Variants in ATP10B observed in about 807,000 individuals in gnomAD.
ATP10B encodes the protein ATPase phospholipid transporting 10B (putative), also known as phospholipid-transporting ATPase VB.
ATP10B carries 122 observed loss-of-function variants against 141.2 expected under a neutral mutation model. That is an observed-to-expected ratio of 0.86 (90% CI 0.75 to 1.00). The LOEUF (loss-of-function observed/expected upper bound fraction) is 1.00, where lower values mean the gene tolerates loss of function less well. Ranked by LOEUF, ATP10B falls within the 50% of genes least tolerant of loss-of-function variation. The probability of loss-of-function intolerance (pLI) is 0.00; values close to 1 mark genes in which losing one functional copy is unlikely to be tolerated. For missense variants in ATP10B, 1,876 were observed against 1,825.3 expected (o/e 1.03, Z -0.51); for synonymous variants, 685 against 692.0 (o/e 0.99, Z 0.16).
At chr5:160,752,389 T>G (rs1170854365) in intron 2 of ATP10B, among the ~76,000 whole-genome samples, 2 of 152,050 alleles carry the variant, frequency 1.3e-5, no homozygotes, top group African/African-American at 4.8e-5. Flanking sequence ...GTCTGCAAAT[T>G]TGTAATCCAA....
intron 3 of ATP10B, among the ~76,000 whole-genome samples, chr5:160,689,855 A>G (rs1403848020): frequency 2.0e-5 from 3 of 152,110 alleles, no homozygotes; most frequent in African/African-American, 7.2e-5. Context: ...TGAAAAAACT[A>G]CTTTAAATTT....
chr5:160,796,331 A>G (rs1453606967), intron 1 of ATP10B, among the ~76,000 whole-genome samples: 1 of 152,208 alleles, frequency 6.6e-6, no homozygotes, highest in Non-Finnish European at 1.5e-5. Context: ...AATCTTGTCC[A>G]AGAAGCTATG....
the ATP10B span, among the ~76,000 whole-genome samples, chr5:160,890,365 T>G: frequency 6.6e-6 from 1 of 152,234 alleles, no homozygotes; most frequent in South Asian, 2.1e-4. Context: ...ATTTTCAATG[T>G]TGTGAAACCA....
At chr5:160,579,549 A>G (rs191670433) in intron 24 of ATP10B, among the ~76,000 whole-genome samples, 3 of 152,316 alleles carry the variant, frequency 2.0e-5, no homozygotes, top group Admixed American at 1.3e-4. Context: ...TACCAGTACC[A>G]TGCTGTTTTG....
chr5:160,787,857 G>A (rs1193234729), intron 1 of ATP10B, among the ~76,000 whole-genome samples: 3 of 152,130 alleles, frequency 2.0e-5, no homozygotes, highest in Non-Finnish European at 2.9e-5. Context: ...CCCATAGTCC[G>A]TATCCAGCTA....
At chr5:160,743,293 A>T (rs938116068) in intron 2 of ATP10B, among the ~76,000 whole-genome samples, 1 of 152,210 alleles carries the variant, frequency 6.6e-6, no homozygotes, top group African/African-American at 2.4e-5. Flanking sequence ...GTGTATCTTA[A>T]GCCCTTCGGA....
intron 1 of ATP10B, among the ~76,000 whole-genome samples, chr5:160,816,521 A>G (rs1043265327): frequency 6.6e-5 from 10 of 152,098 alleles, no homozygotes; most frequent in African/African-American, 2.2e-4. Context: ...TAGCTTACCA[A>G]CCAAAAAAAA....
chr5:160,648,224 T>C (rs1177299702), intron 8 of ATP10B, among the ~76,000 whole-genome samples: 5 of 152,212 alleles, frequency 3.3e-5, no homozygotes, highest in African/African-American at 4.8e-5. Context: ...AAAACTGTTA[T>C]AGCAAGCTTG....
intron 2 of ATP10B, among the ~76,000 whole-genome samples, chr5:160,749,611 C>T (rs996889625): frequency 3.3e-5 from 5 of 152,178 alleles, no homozygotes; most frequent in Non-Finnish European, 5.9e-5. Context: ...AAGATGAACA[C>T]ATCACCTAGT....
intron 24 of ATP10B, among the ~76,000 whole-genome samples, chr5:160,580,542 G>A (rs1755476666): frequency 6.6e-6 from 1 of 152,176 alleles, no homozygotes; most frequent in Non-Finnish European, 1.5e-5. Flanking sequence ...GCTTTTTGAT[G>A]TGCTGCTGGA....
In ATP10B at chr5:160,653,866, A is replaced by C. The variant is rs1281240491; in HGVS notation, c.676-4610T>G. 8.2e-5 allele frequency among the ~76,000 whole-genome samples: 10 copies of C among 122,124 alleles called. No individual in the cohort carries two copies. In the East Asian group the frequency reaches 2.0e-3, roughly 25 times the overall value. 80.1% of individuals were successfully genotyped at this position (122,124 alleles called of 152,430 possible). On this transcript the variant is annotated intron_variant, in intron 7 of 25. Transcript: ENST00000327245. ...ATATATACATATATAAATATATATT[A>C]ATATACGTATATACATATATAAATA...
chr5:160,874,363 C>A, the ATP10B span, among the ~76,000 whole-genome samples: 2 of 152,050 alleles, frequency 1.3e-5, no homozygotes, highest in Non-Finnish European at 2.9e-5. Context: ...GAAAGGACAT[C>A]CACACCAAAA....
intron 6 of ATP10B, among the ~76,000 whole-genome samples, chr5:160,671,428 T>C (rs994677393): frequency 1.2e-4 from 19 of 152,052 alleles, no homozygotes; most frequent in African/African-American, 4.1e-4. Flanking sequence ...GGAAAGATTG[T>C]TTTTGATTAT....
intron 10 of ATP10B, among the ~76,000 whole-genome samples, chr5:160,640,062 C>G (rs1759720735): frequency 6.6e-6 from 1 of 152,212 alleles, no homozygotes; most frequent in African/African-American, 2.4e-5. Context: ...TTTGAGACTC[C>G]TGCCTTAACC....
At chr5:160,893,803 G>A in the ATP10B span, among the ~76,000 whole-genome samples, 2 of 152,170 alleles carry the variant, frequency 1.3e-5, no homozygotes, top group Admixed American at 6.5e-5. Flanking sequence ...GCTCTGGCTG[G>A]CATCTGGCGG....
intron 2 of ATP10B, among the ~76,000 whole-genome samples, chr5:160,781,885 T>C (rs766614485): frequency 6.6e-6 from 1 of 152,218 alleles, no homozygotes. Flanking sequence ...AACTCTTGAC[T>C]GACAAGGATG....
chr5:160,565,688 C>A lies in ATP10B; in HGVS notation c.4151G>T (p.Ser1384Ile). Reference protein sequence around the residue: ...GQDFSASTPKSSNPPKRKHVE... With the variant: ...GQDFSASTPKISNPPKRKHVE... ...ATGCTTCCTCTTGGGAGGGTTAGAG[C>A]TCTTTGGGGTGCTGGCACTGAAGTC... The change falls in exon 26 of 26, where the codon AGC becomes ATC. Residue 1384 changes from serine to isoleucine, a missense_variant. Ser to Ile is a moderately radical substitution (Grantham distance 142). Transcript: ENST00000327245. 4.3e-6 allele frequency: 7 copies of A among 1,614,068 alleles called. No homozygotes were observed. Among genetic ancestry groups the A allele is most frequent in the Non-Finnish European group, 5.9e-6 (7 of 1,179,990 alleles).
intron 21 of ATP10B, among the ~76,000 whole-genome samples, chr5:160,599,667 A>G (rs1383109973): frequency 1.3e-5 from 2 of 152,184 alleles, no homozygotes; most frequent in Non-Finnish European, 2.9e-5. Flanking sequence ...TACTTTCCTA[A>G]TGGTCATGCA....
chr5:160,685,176 C>T, intron 6 of ATP10B: 1 of 635,218 alleles, frequency 1.6e-6, no homozygotes, highest in African/African-American at 1.8e-5. Context: ...CTACTCGCTT[C>T]TTGTCTTCTT....
Sources: allele counts gnomAD v4.1 joint callset (sites outside exome capture counted in the v4.1 genomes callset), GRCh38; gene constraint gnomAD v4.1.1; transcripts MANE v1.5; gene names NCBI Gene and HGNC (gene_info 2026-07-23, HGNC 2026-07-21).